PPP1R12B: variants seen among roughly 807,000 people sequenced by gnomAD.
PPP1R12B encodes myosin phosphatase target subunit 2.
A neutral mutation model predicts 126.1 loss-of-function variants in PPP1R12B; 76 were observed. The observed-to-expected ratio is 0.60, with a 90% CI of 0.50 to 0.73. The LOEUF (loss-of-function observed/expected upper bound fraction) is 0.73, where lower values mean the gene tolerates loss of function less well. PPP1R12B is among the 30% of genes least tolerant of loss of function. PPP1R12B has a pLI of 0.00. For synonymous variants in PPP1R12B, 356 were observed against 434.7 expected (o/e 0.82, Z 2.25); for missense variants, 1,052 against 1,205.1 (o/e 0.87, Z 1.88).
rs985979071 is a variant in PPP1R12B, at chr1:202,585,340, G to A, written c.*4780G>A. ...GGCAGGGTCTAACCCTTCATAAGAT[G>A]TGAGTTCTTCCAACCCAATAAGCAG... On this transcript the variant is annotated 3_prime_UTR_variant, in exon 24 of 24. Transcript: ENST00000608999. The A allele has an allele frequency of 2.6e-5, 4 of 152,236 alleles. No homozygotes were observed. The highest frequency in any genetic ancestry group is 3.8e-4 in the East Asian group (2 of 5,200). 9.4% of individuals were successfully genotyped at this position (152,236 alleles called of 1,614,324 possible).
At chr1:202,376,735 G>A (rs1263275743) in intron 1 of PPP1R12B, among the ~76,000 whole-genome samples, 1 of 152,100 alleles carries the variant, frequency 6.6e-6, no homozygotes, top group Non-Finnish European at 1.5e-5. Flanking sequence ...GATTATTAAA[G>A]TTTTTTCAAT....
chr1:202,403,437 A>C (rs1213078913), intron 1 of PPP1R12B, among the ~76,000 whole-genome samples: 1 of 152,232 alleles, frequency 6.6e-6, no homozygotes, highest in East Asian at 1.9e-4. Flanking sequence ...TAAAGTTACC[A>C]TTGTTATCAC....
At chr1:202,380,248 CCTT>C (rs1662020222) in intron 1 of PPP1R12B, among the ~76,000 whole-genome samples, 1 of 152,062 alleles carries the variant, frequency 6.6e-6, no homozygotes, top group Non-Finnish European at 1.5e-5. Flanking sequence ...ATTCATCCTT[CCTT>C]CTTGTTCTCA....
Position 202,434,910 on chromosome 1 carries a change from CA to C in PPP1R12B, c.1254+143del, listed in dbSNP as rs1670606682. ...TAATCTGCTCCCATAACAAAAAACA[CA>C]GGCTGGGTGGCTTAAACAACAGACA... On this transcript the variant is annotated intron_variant, in intron 9 of 23. Coordinates refer to ENST00000608999, the MANE Select transcript of PPP1R12B (RefSeq NM_002481.4). 2.0e-5 allele frequency: 28 copies of C among 1,393,668 alleles called. No homozygotes were observed. In the East Asian group the frequency reaches 7.1e-4, roughly 35 times the overall value. 86.3% of individuals were successfully genotyped at this position (1,393,668 alleles called of 1,614,324 possible).
At chr1:202,476,017 T>C (rs1487871601) in intron 13 of PPP1R12B, among the ~76,000 whole-genome samples, 1 of 151,954 alleles carries the variant, frequency 6.6e-6, no homozygotes, top group Non-Finnish European at 1.5e-5. Context: ...CTCGCCAACA[T>C]GGTGAAACTC....
chr1:202,449,846 C>G (rs1009155449), intron 13 of PPP1R12B, among the ~76,000 whole-genome samples: 1 of 151,660 alleles, frequency 6.6e-6, no homozygotes, highest in African/African-American at 2.4e-5. Flanking sequence ...GCCACCATGC[C>G]CGGCTAATCT....
At chr1:202,554,924 G>A (rs1185712032) in intron 18 of PPP1R12B, among the ~76,000 whole-genome samples, 1 of 151,924 alleles carries the variant, frequency 6.6e-6, no homozygotes. Context: ...TCACAAGTGT[G>A]AGCACCATTA....
intron 3 of PPP1R12B, 72 bp from the exon 4 acceptor site, chr1:202,425,494 C>T: frequency 1.3e-6 from 2 of 1,495,582 alleles, no homozygotes; most frequent in Non-Finnish European, 1.8e-6. Context: ...GTGCTTTAAT[C>T]TAAGGAAAAT....
chr1:202,382,564 T>G (rs919692126), intron 1 of PPP1R12B, among the ~76,000 whole-genome samples: 1 of 150,908 alleles, frequency 6.6e-6, no homozygotes, highest in African/African-American at 2.4e-5. Flanking sequence ...AGGAAATGAA[T>G]TTCTTTGAGA....
At chr1:202,413,775 A>G (rs913549245) in intron 1 of PPP1R12B, among the ~76,000 whole-genome samples, 9 of 152,172 alleles carry the variant, frequency 5.9e-5, no homozygotes, top group South Asian at 2.1e-4. Flanking sequence ...TCTGTATTCA[A>G]TCTGCTGTGA....
chr1:202,429,125 G>GT (rs1315883477), intron 6 of PPP1R12B, among the ~76,000 whole-genome samples, 196 bp downstream of exon 6: 1 of 152,082 alleles, frequency 6.6e-6, no homozygotes, highest in African/African-American at 2.4e-5. Flanking sequence ...TATTGTTCAG[G>GT]TTTTTTGCTC....
chr1:202,526,183 A>G (rs1683328650), intron 18 of PPP1R12B, among the ~76,000 whole-genome samples: 1 of 152,234 alleles, frequency 6.6e-6, no homozygotes, highest in Non-Finnish European at 1.5e-5. Context: ...CATCAATGGT[A>G]ACAAGTGAGG....
At chr1:202,379,100 G>A (rs1387402814) in intron 1 of PPP1R12B, among the ~76,000 whole-genome samples, 1 of 152,002 alleles carries the variant, frequency 6.6e-6, no homozygotes, top group Admixed American at 6.6e-5. Context: ...TTTTTTCCTG[G>A]ACTCAAGATA....
At chr1:202,532,243 C>T (rs962855610) in intron 18 of PPP1R12B, among the ~76,000 whole-genome samples, 4 of 152,122 alleles carry the variant, frequency 2.6e-5, no homozygotes, top group South Asian at 2.1e-4. Flanking sequence ...GTCATGAGGA[C>T]GAACAGAGGT....
intron 18 of PPP1R12B, among the ~76,000 whole-genome samples, chr1:202,527,992 T>G (rs1683528309): frequency 6.6e-6 from 1 of 152,230 alleles, no homozygotes; most frequent in African/African-American, 2.4e-5. Context: ...GACCTTTGAC[T>G]TTGTGCTCAT....
chr1:202,486,642 T>A (rs2148832541), intron 13 of PPP1R12B, among the ~76,000 whole-genome samples: 1 of 152,184 alleles, frequency 6.6e-6, no homozygotes, highest in Non-Finnish European at 1.5e-5. Flanking sequence ...TCATCTCTAC[T>A]AAAAATAAAA....
At chr1:202,366,517 C>CAAA (rs10570958) in intron 1 of PPP1R12B, among the ~76,000 whole-genome samples, 13 of 73,026 alleles carry the variant, frequency 1.8e-4, no homozygotes, top group African/African-American at 3.4e-4. Flanking sequence ...GACTCCATCT[C>CAAA]AAAAAAAAAA....
At chr1:202,449,994 G>A (rs932656729) in intron 13 of PPP1R12B, among the ~76,000 whole-genome samples, 3 of 152,150 alleles carry the variant, frequency 2.0e-5, no homozygotes, top group African/African-American at 7.2e-5. Flanking sequence ...CTGTCGTTAT[G>A]GATTTAAGCA....
chr1:202,506,428 C>T (rs1357436559), intron 18 of PPP1R12B, among the ~76,000 whole-genome samples: 1 of 152,220 alleles, frequency 6.6e-6, no homozygotes, highest in Non-Finnish European at 1.5e-5. Context: ...TCAAAGCTCA[C>T]ATGTATTCCT....
Sources: allele counts gnomAD v4.1 joint callset (sites outside exome capture counted in the v4.1 genomes callset), GRCh38; gene constraint gnomAD v4.1.1; transcripts MANE v1.5; gene names NCBI Gene and HGNC (gene_info 2026-07-23, HGNC 2026-07-21).